The following TATDN1 variants were observed in gnomAD, a reference collection of about 807,000 sequenced individuals.
The protein encoded by TATDN1 is deoxyribonuclease TATDN1.
Under a neutral mutation model 46.4 loss-of-function variants are expected in TATDN1, and 40 were observed. That is an observed-to-expected ratio of 0.86 (90% confidence interval 0.67 to 1.12). TATDN1 has a LOEUF of 1.12. TATDN1 is among the 50% of genes most tolerant of loss of function. The pLI is 0.00. For synonymous variants in TATDN1, 95 were observed against 105.6 expected, an observed-to-expected ratio of 0.90 and a Z score of 0.62; for missense variants, 326 against 348.4, an observed-to-expected ratio of 0.94 and a Z score of 0.51.
chr8:124,499,411 T>A lies in TATDN1; in HGVS notation c.594-3869A>T, dbSNP rs1179633023. On this transcript the variant is annotated intron_variant, in intron 9 of 11. Transcript: ENST00000276692. Reference sequence around the variant, plus strand: ...ACTTAATATTCTTCTGTGTCTATTCTATGACTGTAAAATTTGCCCAAATAT... The same window carrying A: ...ACTTAATATTCTTCTGTGTCTATTCAATGACTGTAAAATTTGCCCAAATAT... Among the ~76,000 whole-genome samples the A allele has an allele frequency of 2.0e-5, 3 of 152,212 alleles. No individual in the cohort carries two copies. The East Asian group carries it at 5.8e-4, about 29-fold the overall frequency.
chr8:124,493,222 C>T (rs1817177971), intron 11 of TATDN1, among the ~76,000 whole-genome samples: 1 of 152,152 alleles, frequency 6.6e-6, no homozygotes. Flanking sequence ...GCCCAATTGT[C>T]TGAATTGGTA....
At position 124,504,369 on chromosome 8, in the gene TATDN1, T is replaced by C. The variant is rs574268757; in HGVS notation, c.517-22A>G. Reference sequence around the variant, plus strand: ...GCACCTGGGGACATACAGGTATAAGTTTATTATTATAATAATTACTCTTTA... The same window carrying C: ...GCACCTGGGGACATACAGGTATAAGCTTATTATTATAATAATTACTCTTTA... On this transcript the variant is annotated intron_variant, in intron 8 of 11. Coordinates refer to ENST00000276692, the MANE Select transcript of TATDN1 (RefSeq NM_032026.4). 46 of 1,467,298 alleles carry C rather than the reference T, an allele frequency of 3.1e-5. No homozygotes were observed. The East Asian group carries it at 5.9e-4, about 19-fold the overall frequency. The allele number at this position is 1,467,298 out of a possible 1,614,324, so 90.9% of individuals were successfully genotyped here. A position where few individuals can be genotyped will look rare whatever the true frequency, so the allele number is the denominator to read the frequency against.
Position 124,514,980 on chromosome 8 carries a change from G to T in TATDN1, c.389+766C>A, listed in dbSNP as rs192915218. Among the ~76,000 whole-genome samples the T allele has an allele frequency of 3.4e-3, 522 of 152,192 alleles. 1 individual carries two copies. Among genetic ancestry groups the T allele is most frequent in the Middle Eastern group, 6.8e-3 (2 of 294 alleles). Reference sequence around the variant, plus strand: ...TTCTTGCTGGTTTTTTTTAGAGACGGAGTCTCCTTATGTTGCTCAGGCTGG... The same window carrying T: ...TTCTTGCTGGTTTTTTTTAGAGACGTAGTCTCCTTATGTTGCTCAGGCTGG... On this transcript the variant is annotated intron_variant, in intron 6 of 11. Coordinates refer to ENST00000276692, the MANE Select transcript of TATDN1 (RefSeq NM_032026.4).
chr8:124,515,840 A>G lies in TATDN1; in HGVS notation c.346+47T>C, dbSNP rs1255956066. Reference sequence around the variant, plus strand: ...ACTCCTAACTTATACAGAACAAATTACTTATTTTCAAACAATGTCACTCTA... The same window carrying G: ...ACTCCTAACTTATACAGAACAAATTGCTTATTTTCAAACAATGTCACTCTA... On this transcript the variant is annotated intron_variant, in intron 5 of 11. Transcript: ENST00000276692. 5 of 1,613,398 alleles carry G rather than the reference A, an allele frequency of 3.1e-6. No individual in the cohort carries two copies. The South Asian group carries it at 3.3e-5, about 11-fold the overall frequency.
chr8:124,532,264 T>G (rs980633248), intron 1 of TATDN1, among the ~76,000 whole-genome samples: 23 of 152,176 alleles, frequency 1.5e-4, no homozygotes, highest in Admixed American at 1.4e-3. Flanking sequence ...GAATGGCATC[T>G]AAGAGAAACA....
intron 9 of TATDN1, 49 bp from the exon 10 acceptor site, chr8:124,495,591 CCT>C (rs1184106812): frequency 1.3e-5 from 19 of 1,413,304 alleles, no homozygotes; most frequent in Non-Finnish European, 1.8e-5. Context: ...TTAACGAATA[CCT>C]TTTTTCGTAT....
At chr8:124,488,773 C>T (rs1330159146) in intron 11 of TATDN1, 77 bp from the exon 12 acceptor site, 1 of 885,466 alleles carries the variant, frequency 1.1e-6, no homozygotes, top group African/African-American at 1.7e-5. Flanking sequence ...TATTTTTCCA[C>T]ACAAAGGAAA....
intron 8 of TATDN1, 32 bp downstream of exon 8, chr8:124,508,442 A>G (rs1335904451): frequency 2.5e-6 from 4 of 1,592,448 alleles, no homozygotes; most frequent in Non-Finnish European, 2.6e-6. Flanking sequence ...GAGATGTTCA[A>G]CCTGTATTAA....
intron 9 of TATDN1, among the ~76,000 whole-genome samples, chr8:124,500,628 G>A (rs886412080): frequency 6.6e-6 from 1 of 151,876 alleles, no homozygotes; most frequent in Non-Finnish European, 1.5e-5. Flanking sequence ...GAGCCCAGGA[G>A]GTCGGGGCTA....
At chr8:124,496,897 A>G (rs1817511112) in intron 9 of TATDN1, among the ~76,000 whole-genome samples, 1 of 152,208 alleles carries the variant, frequency 6.6e-6, no homozygotes, top group Non-Finnish European at 1.5e-5. Context: ...CCTCTCCTGT[A>G]TTATCTTAAA....
intron 6 of TATDN1, among the ~76,000 whole-genome samples, chr8:124,514,475 G>A (rs1819289197): frequency 6.6e-6 from 1 of 152,102 alleles, no homozygotes; most frequent in African/African-American, 2.4e-5. Context: ...GAGGACAGAG[G>A]ATTGTTTATT....
chr8:124,528,335 G>C (rs1286466371), intron 1 of TATDN1, among the ~76,000 whole-genome samples: 1 of 152,030 alleles, frequency 6.6e-6, no homozygotes, highest in African/African-American at 2.4e-5. Context: ...CGCCACACCC[G>C]GCTAATTTTT....
At chr8:124,519,779 C>G (rs1209532719) in intron 3 of TATDN1, among the ~76,000 whole-genome samples, 3 of 152,182 alleles carry the variant, frequency 2.0e-5, no homozygotes. Flanking sequence ...CATACTTCTG[C>G]ATAGACCCAT....
chr8:124,522,330 T>TTA, intron 2 of TATDN1, 130 bp from the exon 3 acceptor site: 1 of 668,174 alleles, frequency 1.5e-6, no homozygotes, highest in Non-Finnish European at 2.7e-6. Flanking sequence ...TAAGAAGACC[T>TTA]TAATTAAACT....
At position 124,504,396 on chromosome 8, in the gene TATDN1, A is replaced by C. The variant is rs1343093182; in HGVS notation, c.517-49T>G. ...TATTATTATAATAATTACTCTTTAA[A>C]ATTCTAAGTGACATTAATAAGACTT... On this transcript the variant is annotated intron_variant, in intron 8 of 11. Transcript: ENST00000276692. 3.0e-6 allele frequency: 4 copies of C among 1,329,760 alleles called. No individual in the cohort carries two copies. The South Asian group carries it at 4.8e-5, about 16-fold the overall frequency. 82.4% of individuals were successfully genotyped at this position (1,329,760 alleles called of 1,614,324 possible). A position where few individuals can be genotyped will look rare whatever the true frequency, so the allele number is the denominator to read the frequency against.
At chr8:124,526,596 T>G (rs1459104151) in intron 1 of TATDN1, 1 of 152,268 alleles carries the variant, frequency 6.6e-6, no homozygotes, top group Non-Finnish European at 1.5e-5. Flanking sequence ...CATGTCACCC[T>G]ATATAGATCA....
At chr8:124,513,208 C>CTGTTTTTTTAACCAA (rs1563667699) in intron 6 of TATDN1, among the ~76,000 whole-genome samples, 1 of 152,006 alleles carries the variant, frequency 6.6e-6, no homozygotes, top group African/African-American at 2.4e-5. Flanking sequence ...CCACCGCACC[C>CTGTTTTTTTAACCAA]GGCTGTTTTT....
rs532335164 is a variant in TATDN1 at position 124,491,853 on chromosome 8, C to A, written c.791+1980G>T. Among the ~76,000 whole-genome samples, 7 of 152,238 alleles carry A rather than the reference C, an allele frequency of 4.6e-5. No homozygotes were observed. In the South Asian group the frequency reaches 1.5e-3, roughly 32 times the overall value. ...AATTAACTTGCCAACTCATAATTAGCAGTAGATTAGAGGATTGTGTATTTT... is the reference window on the plus strand; with the variant it reads ...AATTAACTTGCCAACTCATAATTAGAAGTAGATTAGAGGATTGTGTATTTT... On this transcript the variant is annotated intron_variant, in intron 11 of 11. Transcript: ENST00000276692.
At chr8:124,490,108 T>A (rs1462950397) in intron 11 of TATDN1, 4 of 152,236 alleles carry the variant, frequency 2.6e-5, no homozygotes, top group Non-Finnish European at 5.9e-5. Flanking sequence ...TGTATGCACT[T>A]CTCAGAATTG....
Sources: gnomAD v4.1 joint callset for allele counts (sites outside exome capture counted in the v4.1 genomes callset) on GRCh38, gnomAD v4.1.1 for gene constraint, MANE v1.5 for transcripts, NCBI Gene and HGNC (gene_info 2026-07-23, HGNC 2026-07-21) for gene names.